Variants in SETBP1 observed in about 807,000 individuals in gnomAD.
SETBP1 encodes the protein SET-binding protein.
SETBP1 carries 9 observed loss-of-function variants against 101.0 expected under a neutral mutation model. The ratio of observed to expected loss-of-function variants is 0.09; its 90% CI spans 0.05 to 0.16. The LOEUF (loss-of-function observed/expected upper bound fraction) is 0.16. Ranked by LOEUF, SETBP1 falls within the 10% of genes least tolerant of loss-of-function variation. The probability of loss-of-function intolerance (pLI) is 1.00; values close to 1 mark genes in which losing one functional copy is unlikely to be tolerated. For missense variants in SETBP1, 1,858 were observed against 2,033.8 expected, an observed-to-expected ratio of 0.91 and a Z score of 1.66; for synonymous variants, 818 against 788.5, an observed-to-expected ratio of 1.04 and a Z score of -0.63.
intron 2 of SETBP1, among the ~76,000 whole-genome samples, chr18:44,761,856 A>G (rs145062363): frequency 6.6e-6 from 1 of 152,284 alleles, no homozygotes; most frequent in Non-Finnish European, 1.5e-5. Context: ...GCAAGGAGAA[A>G]TCAGTTGCCT....
chr18:44,802,419 C>G (rs1411694577), intron 2 of SETBP1, among the ~76,000 whole-genome samples: 1 of 152,178 alleles, frequency 6.6e-6, no homozygotes, highest in East Asian at 1.9e-4. Context: ...AAGTGTCTGA[C>G]TATATACAAC....
chr18:44,721,293 C>T (rs1315843615), intron 2 of SETBP1, among the ~76,000 whole-genome samples: 1 of 152,162 alleles, frequency 6.6e-6, no homozygotes, highest in Non-Finnish European at 1.5e-5. Context: ...GTCCTGAATC[C>T]AGCCTCTGTC....
intron 2 of SETBP1, among the ~76,000 whole-genome samples, chr18:44,816,797 A>T (rs899198208): frequency 6.6e-6 from 1 of 152,096 alleles, no homozygotes; most frequent in Admixed American, 6.5e-5. Context: ...TAGGATTTTT[A>T]AAAAAACACC....
At chr18:44,864,910 T>C (rs2069096238) in intron 2 of SETBP1, among the ~76,000 whole-genome samples, 1 of 150,348 alleles carries the variant, frequency 6.7e-6, no homozygotes, top group Non-Finnish European at 1.5e-5. Context: ...TGGGATGGAG[T>C]GGAGATAGGG....
chr18:44,947,949 G>A (rs974263237), intron 3 of SETBP1, among the ~76,000 whole-genome samples: 4 of 152,160 alleles, frequency 2.6e-5, no homozygotes, highest in African/African-American at 9.6e-5. Flanking sequence ...AACACAGAGT[G>A]CCAGCTAATT....
chr18:44,908,763 T>G (rs2070236452), intron 3 of SETBP1, among the ~76,000 whole-genome samples: 1 of 152,254 alleles, frequency 6.6e-6, no homozygotes. Context: ...CTAGATTTGC[T>G]AAGCCTCAAT....
Position 44,710,411 on chromosome 18 carries a change from A to G in SETBP1, c.486+8579A>G, listed in dbSNP as rs1490149727. 4.0e-5 allele frequency among the ~76,000 whole-genome samples: 6 copies of G among 151,494 alleles called. No homozygotes were observed. The East Asian group carries it at 9.7e-4, about 24-fold the overall frequency. On this transcript the variant is annotated intron_variant, in intron 2 of 5. Transcript: ENST00000649279. ...GTTCCTGATAACATTAAATATAGAA[A>G]ATACACAGCACAAGGCCTTGAAGCC...
intron 5 of SETBP1, among the ~76,000 whole-genome samples, chr18:45,045,842 T>C (rs1177518563): frequency 6.6e-6 from 1 of 152,112 alleles, no homozygotes; most frequent in Non-Finnish European, 1.5e-5. Flanking sequence ...GTGGGTGCTG[T>C]TTTTGCTGCT....
intron 3 of SETBP1, among the ~76,000 whole-genome samples, chr18:44,920,953 G>T (rs1057060413): frequency 6.6e-6 from 1 of 152,122 alleles, no homozygotes; most frequent in South Asian, 2.1e-4. Context: ...ATAATTACAG[G>T]AATATGGTGT....
At chr18:44,753,318 G>A (rs76255192) in intron 2 of SETBP1, among the ~76,000 whole-genome samples, 1,937 of 152,216 alleles carry the variant, frequency 0.013, 44 homozygotes, top group African/African-American at 0.044. Context: ...ATGATAATCC[G>A]GACAGATCCT....
intron 2 of SETBP1, among the ~76,000 whole-genome samples, chr18:44,761,252 A>G (rs1334785040): frequency 6.6e-6 from 1 of 152,232 alleles, no homozygotes; most frequent in Non-Finnish European, 1.5e-5. Flanking sequence ...TACATTAAAC[A>G]TTTATCATTT....
At chr18:44,856,880 GTTC>G (rs2072989202) in intron 2 of SETBP1, among the ~76,000 whole-genome samples, 1 of 152,192 alleles carries the variant, frequency 6.6e-6, no homozygotes, top group African/African-American at 2.4e-5. Flanking sequence ...CTTTCTTGAT[GTTC>G]TTCTTTCCTG....
At chr18:45,007,397 A>G (rs942451050) in intron 4 of SETBP1, among the ~76,000 whole-genome samples, 10 of 152,118 alleles carry the variant, frequency 6.6e-5, no homozygotes, top group African/African-American at 2.2e-4. Context: ...AAATGGAACA[A>G]AAGATCTCCA....
chr18:44,982,675 T>A (rs2072141212), intron 4 of SETBP1, among the ~76,000 whole-genome samples: 1 of 152,368 alleles, frequency 6.6e-6, no homozygotes, highest in South Asian at 2.1e-4. Flanking sequence ...GCAGAATATA[T>A]GATGCTTCCT....
chr18:44,921,449 A>G (rs951266203), intron 3 of SETBP1, among the ~76,000 whole-genome samples: 3 of 152,178 alleles, frequency 2.0e-5, no homozygotes, highest in Admixed American at 2.0e-4. Flanking sequence ...TGGGTCTTAG[A>G]TCATCCATGT....
intron 4 of SETBP1, among the ~76,000 whole-genome samples, 160 bp from the exon 5 acceptor site, chr18:45,038,325 C>T (rs1438090310): frequency 6.6e-6 from 1 of 152,196 alleles, no homozygotes. Context: ...CCAGTCATAG[C>T]TATTTTTTCT....
intron 4 of SETBP1, among the ~76,000 whole-genome samples, chr18:44,984,863 G>A (rs762326201): frequency 5.3e-5 from 8 of 152,158 alleles, no homozygotes; most frequent in Non-Finnish European, 8.8e-5. Flanking sequence ...TGCTTAGGCC[G>A]GACGCAGTGG....
At chr18:44,876,518 A>G in intron 3 of SETBP1, 1 of 1,397,734 alleles carries the variant, frequency 7.2e-7, no homozygotes. Flanking sequence ...GGATATTGGT[A>G]TTTTCAGAAG....
At chr18:44,766,219 G>C (rs2070760783) in intron 2 of SETBP1, among the ~76,000 whole-genome samples, 1 of 152,236 alleles carries the variant, frequency 6.6e-6, no homozygotes, top group Non-Finnish European at 1.5e-5. Context: ...GGAAAATAGA[G>C]CATGATACAT....
Sources: allele counts gnomAD v4.1 joint callset (sites outside exome capture counted in the v4.1 genomes callset), GRCh38; gene constraint gnomAD v4.1.1; transcripts MANE v1.5; gene names NCBI Gene and HGNC (gene_info 2026-07-23, HGNC 2026-07-21).